The following CDCA5 variants were observed in gnomAD, a reference collection of about 807,000 sequenced individuals.
CDCA5 encodes the protein sororin.
A neutral mutation model predicts 25.7 loss-of-function variants in CDCA5; 14 were observed. The ratio of observed to expected loss-of-function variants is 0.54; its 90% confidence interval spans 0.36 to 0.85. The LOEUF (loss-of-function observed/expected upper bound fraction) is 0.85, where lower values mean the gene tolerates loss of function less well. Among genes scored for constraint, CDCA5 ranks in the 40% least tolerant of loss-of-function variants. The pLI is 0.01. For missense variants in CDCA5, 307 were observed against 324.5 expected (o/e 0.95, Z 0.41); for synonymous variants, 127 against 128.7 (o/e 0.99, Z 0.09).
At position 65,078,967 on chromosome 11, in the gene CDCA5, CAG is replaced by C; in HGVS notation, c.*138_*139del. 2 of 1,276,242 alleles carry C rather than the reference CAG, an allele frequency of 1.6e-6. No individual in the cohort carries two copies. The highest frequency in any genetic ancestry group is 1.5e-5 in the African/African-American group (1 of 65,810). 79.1% of individuals were successfully genotyped at this position (1,276,242 alleles called of 1,614,324 possible). On this transcript the variant is annotated 3_prime_UTR_variant, in exon 6 of 6. Coordinates refer to ENST00000275517, the MANE Select transcript of CDCA5 (RefSeq NM_080668.4). ...CCGCTGCTGCCCAAGCCCTCAAAGGCAGACAGTCCTCATGCGCAGCACCAGCA... is the reference window on the plus strand; with the variant it reads ...CCGCTGCTGCCCAAGCCCTCAAAGGCACAGTCCTCATGCGCAGCACCAGCA...
At chr11:65,074,989 G>A (rs1231507798), downstream of CDCA5, among the ~76,000 whole-genome samples, 9 of 151,510 alleles carry the variant, frequency 5.9e-5, no homozygotes, top group Non-Finnish European at 1.2e-4. Flanking sequence ...TTGAACTCGG[G>A]AGGTGGAGGT....
intron 4 of CDCA5, among the ~76,000 whole-genome samples, chr11:65,082,534 C>G (rs893776264): frequency 6.7e-6 from 1 of 149,000 alleles, no homozygotes. Flanking sequence ...GTGATCTCGG[C>G]CCACTGCAAC....
At chr11:65,063,757 G>T (rs77039109), downstream of CDCA5, among the ~76,000 whole-genome samples, 172 of 152,350 alleles carry the variant, frequency 1.1e-3, no homozygotes, top group African/African-American at 4.0e-3. Flanking sequence ...GGAGGTGTGG[G>T]CACAGCTTGT....
chr11:65,061,443 T>G (rs924047482), downstream of CDCA5, among the ~76,000 whole-genome samples: 4 of 152,116 alleles, frequency 2.6e-5, no homozygotes, highest in Non-Finnish European at 4.4e-5. Context: ...TAATACATGT[T>G]TATGGTTTTG....
At chr11:65,066,641 C>G (rs1021675294) in exon 6 of CDCA5, 1 of 1,289,382 alleles carries the variant, frequency 7.8e-7, no homozygotes, top group Non-Finnish European at 1.0e-6. Flanking sequence ...CCTGGATGGC[C>G]TGGGCTCCCT....
At chr11:65,080,290 C>G (rs1194586076) in intron 4 of CDCA5, among the ~76,000 whole-genome samples, 1 of 152,180 alleles carries the variant, frequency 6.6e-6, no homozygotes, top group African/African-American at 2.4e-5. Flanking sequence ...GCTTTTGTGA[C>G]ACAAATGGAC....
chr11:65,083,410 C>T lies in CDCA5; in HGVS notation c.208-11G>A, dbSNP rs954366219. ...TTGGACAGCTGGGACCTGCGGGGGACAATACCAATTGATCACATAGCTGGT... is the reference window on the plus strand; with the variant it reads ...TTGGACAGCTGGGACCTGCGGGGGATAATACCAATTGATCACATAGCTGGT... On this transcript the variant is annotated splice_polypyrimidine_tract_variant and intron_variant, in intron 3 of 5. Coordinates refer to ENST00000275517, the MANE Select transcript of CDCA5 (RefSeq NM_080668.4). The T allele has an allele frequency of 5.6e-6, 9 of 1,614,152 alleles. No individual in the cohort carries two copies. Among genetic ancestry groups the T allele is most frequent in the Non-Finnish European group, 8.5e-7 (1 of 1,180,010 alleles).
chr11:65,079,562 T>C lies in CDCA5; in HGVS notation c.469A>G (p.Thr157Ala). 6.2e-7 allele frequency: 1 copy of C among 1,613,756 alleles called. No homozygotes were observed. Among genetic ancestry groups the C allele is most frequent in the Non-Finnish European group, 8.5e-7 (1 of 1,179,926 alleles). Residue 157 changes from threonine (T) to alanine (A), a missense_variant, in exon 5 of 6, where the codon ACC becomes GCC. By Grantham distance (58) the Thr-to-Ala change is moderately conservative (BLOSUM62 0). Transcript: ENST00000275517. ...CAGGACCGGCGGCCTGGGGTGGAGG[T>C]AGAGGCAGAGCCCAGGGTCTCCAGC... is the stretch of plus-strand genomic sequence containing the variant. ...SRLETLGSAS[T>A]STPGRRSCFG...
exon 7 of CDCA5, chr11:65,066,387 C>A: frequency 2.5e-6 from 3 of 1,198,950 alleles, no homozygotes; most frequent in Non-Finnish European, 3.2e-6. Context: ...TGGCCTGGGG[C>A]CTGGCCAGGC....
downstream of CDCA5, among the ~76,000 whole-genome samples, chr11:65,076,167 G>A (rs1947441236): frequency 6.6e-6 from 1 of 152,198 alleles, no homozygotes; most frequent in Non-Finnish European, 1.5e-5. Context: ...CCAGACTGGA[G>A]TGCAATGGCG....
At chr11:65,082,354 C>T (rs780933769) in intron 4 of CDCA5, among the ~76,000 whole-genome samples, 1 of 152,052 alleles carries the variant, frequency 6.6e-6, no homozygotes, top group Non-Finnish European at 1.5e-5. Flanking sequence ...CTGCTGAGGT[C>T]TGCTGCAGAC....
rs1044285879 is a variant in CDCA5, at chr11:65,080,165, C to T, written c.244-378G>A. Among the ~76,000 whole-genome samples, 7 of 152,288 alleles carry T rather than the reference C, an allele frequency of 4.6e-5. No individual in the cohort carries two copies. In the East Asian group the frequency reaches 1.3e-3, roughly 29 times the overall value. On this transcript the variant is annotated intron_variant, in intron 4 of 5. Transcript: ENST00000275517. ...TCGGCCTCCCAAAGTGCTGGGATTA[C>T]AGGCGTGAGCCACCATGCCCGGCCA... is the stretch of plus-strand genomic sequence containing the variant.
chr11:65,083,751 G>A (rs1361334051), intron 1 of CDCA5, 28 bp from the exon 2 acceptor site: 5 of 1,598,318 alleles, frequency 3.1e-6, no homozygotes, highest in African/African-American at 2.7e-5. Context: ...TTAAGTGGTA[G>A]AGGAGGACTC....
chr11:65,080,690 A>T (rs566582043), intron 4 of CDCA5, among the ~76,000 whole-genome samples: 1 of 152,140 alleles, frequency 6.6e-6, no homozygotes, highest in South Asian at 2.1e-4. Flanking sequence ...GCTGTGGTCC[A>T]TCTGCCACAC....
At chr11:65,074,521 T>C (rs931003465), downstream of CDCA5, among the ~76,000 whole-genome samples, 2 of 152,164 alleles carry the variant, frequency 1.3e-5, no homozygotes, top group Non-Finnish European at 2.9e-5. Context: ...ACAAATCTAT[T>C]CCAATGCCTG....
At chr11:65,082,966 A>C (rs1414019058) in intron 4 of CDCA5, among the ~76,000 whole-genome samples, 1 of 152,090 alleles carries the variant, frequency 6.6e-6, no homozygotes, top group Non-Finnish European at 1.5e-5. Flanking sequence ...CACATTTCTC[A>C]GTCAGTATGT....
downstream of CDCA5, among the ~76,000 whole-genome samples, chr11:65,074,217 C>T (rs996249085): frequency 1.1e-4 from 16 of 152,138 alleles, no homozygotes; most frequent in Non-Finnish European, 1.6e-4. Context: ...GGATTACAGG[C>T]ACCCGCCACC....
intron 2 of CDCA5, chr11:65,068,138 A>G (rs548588252): frequency 7.1e-5 from 90 of 1,275,558 alleles, no homozygotes; most frequent in Middle Eastern, 2.1e-4. Context: ...GAAAGCGCCA[A>G]GGTGACTGGA....
intron 1 of CDCA5, among the ~76,000 whole-genome samples, chr11:65,068,809 T>G (rs1256742663): frequency 6.6e-6 from 1 of 152,244 alleles, no homozygotes; most frequent in Non-Finnish European, 1.5e-5. Context: ...CAGCTGAAAA[T>G]GGATACTTTT....
Sources: allele counts gnomAD v4.1 joint callset (sites outside exome capture counted in the v4.1 genomes callset), GRCh38; gene constraint gnomAD v4.1.1; transcripts MANE v1.5; gene names NCBI Gene and HGNC (gene_info 2026-07-23, HGNC 2026-07-21).